Variants in RFWD3 observed in about 807,000 individuals in gnomAD.
RFWD3 encodes the protein E3 ubiquitin-protein ligase RFWD3.
A neutral mutation model predicts 87.7 loss-of-function variants in RFWD3; 65 were observed. The observed-to-expected ratio is 0.74, with a 90% confidence interval of 0.61 to 0.91. The LOEUF is 0.91. Among genes scored for constraint, RFWD3 ranks in the 40% least tolerant of loss-of-function variants. RFWD3 has a pLI of 0.00. For synonymous variants in RFWD3, 433 were observed against 352.8 expected, an observed-to-expected ratio of 1.23 and a Z score of -2.55; for missense variants, 1,078 against 938.5, an observed-to-expected ratio of 1.15 and a Z score of -1.94.
At chr16:74,639,455 C>A (rs777160067) in intron 6 of RFWD3, among the ~76,000 whole-genome samples, 22 of 152,184 alleles carry the variant, frequency 1.4e-4, no homozygotes, top group Non-Finnish European at 2.5e-4. Context: ...GGTCATTATG[C>A]AGCACGTGAC....
rs751506927 is a variant in RFWD3, at chr16:74,636,434, C to A, written c.1338G>T (p.Gln446His). 1 of 1,614,044 alleles carries A rather than the reference C, an allele frequency of 6.2e-7. No homozygotes were observed. Among genetic ancestry groups the A allele is most frequent in the African/African-American group, 1.3e-5 (1 of 74,922 alleles). The change falls in exon 8 of 13, where the codon CAG becomes CAT. Residue 446 changes from glutamine to histidine, a missense_variant. Gln to His is a conservative substitution (Grantham distance 24). Transcript: ENST00000361070. ...ATGCCATGATCCGGCAGTTTCCTGC[C>A]TGAGATACTGTGAAGGTCTTTTGGA... ...YHFQKTFTVS[Q>H]AGNCRIMAYC...
chr16:74,660,746 G>C, intron 2 of RFWD3, 186 bp downstream of exon 2: 1 of 621,056 alleles, frequency 1.6e-6, no homozygotes, highest in East Asian at 2.8e-5. Flanking sequence ...AGGCACAACA[G>C]TTTAACTTAT....
intron 10 of RFWD3, among the ~76,000 whole-genome samples, chr16:74,630,237 A>G (rs141980359): frequency 7.2e-4 from 110 of 152,330 alleles, no homozygotes; most frequent in African/African-American, 2.3e-3. Context: ...CTGGGATTAC[A>G]GGCGTGTGCC....
chr16:74,663,411 T>C, intron 1 of RFWD3, among the ~76,000 whole-genome samples: 1 of 152,096 alleles, frequency 6.6e-6, no homozygotes, highest in East Asian at 1.9e-4. Flanking sequence ...AACAATTGAG[T>C]GTCAAGTGCT....
At chr16:74,634,031 G>A (rs1335060739) in intron 8 of RFWD3, among the ~76,000 whole-genome samples, 4 of 151,818 alleles carry the variant, frequency 2.6e-5, no homozygotes, top group African/African-American at 9.7e-5. Context: ...CATGGTTTCA[G>A]GGGTGTATTA....
intron 2 of RFWD3, among the ~76,000 whole-genome samples, chr16:74,655,024 T>C (rs1960852195): frequency 6.6e-6 from 1 of 152,206 alleles, no homozygotes; most frequent in South Asian, 2.1e-4. Flanking sequence ...AGCGCTGACA[T>C]TGAAACTGTA....
At chr16:74,650,409 C>T (rs1333792731) in intron 3 of RFWD3, among the ~76,000 whole-genome samples, 1 of 148,784 alleles carries the variant, frequency 6.7e-6, no homozygotes, top group Non-Finnish European at 1.5e-5. Context: ...GTATACAGTA[C>T]TTCCTAAGTG....
At chr16:74,638,756 CACA>C (rs2144138748) in intron 6 of RFWD3, among the ~76,000 whole-genome samples, 1 of 152,266 alleles carries the variant, frequency 6.6e-6, no homozygotes, top group Non-Finnish European at 1.5e-5. Context: ...AAAATTCATT[CACA>C]ACAATTTTAA....
chr16:74,641,165 T>C (rs1181673151), intron 6 of RFWD3, among the ~76,000 whole-genome samples: 1 of 143,822 alleles, frequency 7.0e-6, no homozygotes, highest in Admixed American at 7.0e-5. Flanking sequence ...AAACAGATAA[T>C]TTTTTTTTTT....
At position 74,661,469 on chromosome 16, in the gene RFWD3, G is replaced by T. The variant is rs1335127337; in HGVS notation, c.-2-18C>A. 3 of 1,565,946 alleles carry T rather than the reference G, an allele frequency of 1.9e-6. No individual in the cohort carries two copies. In the South Asian group the frequency reaches 3.6e-5, roughly 19 times the overall value. On this transcript the variant is annotated intron_variant, in intron 1 of 12. Coordinates refer to ENST00000361070, the MANE Select transcript of RFWD3 (RefSeq NM_018124.4). ...AGCCATCACTAGAGAAACAGTATTT[G>T]TAAAAAGTATTAATAAAATAGATAA...
intron 2 of RFWD3, among the ~76,000 whole-genome samples, chr16:74,654,588 G>A (rs143641416): frequency 1.4e-4 from 21 of 152,198 alleles, no homozygotes; most frequent in African/African-American, 4.8e-4. Context: ...GCCTCTAAGT[G>A]TTCAAATTAA....
intron 12 of RFWD3, 135 bp downstream of exon 12, chr16:74,626,208 G>A (rs1958927377): frequency 9.5e-6 from 7 of 735,434 alleles, no homozygotes; most frequent in South Asian, 8.5e-5. Flanking sequence ...ACACATATGC[G>A]GATATGTGGG....
intron 7 of RFWD3, 84 bp from the exon 8 acceptor site, chr16:74,636,661 G>T (rs1032864186): frequency 2.9e-6 from 3 of 1,028,954 alleles, no homozygotes; most frequent in African/African-American, 3.3e-5. Context: ...TTTACAGGAA[G>T]ATTTTTTATC....
chr16:74,630,898 C>G lies in RFWD3; in HGVS notation c.1637G>C (p.Cys546Ser). Residue 546 changes from cysteine (C) to serine (S), a missense_variant, in exon 10 of 13, where the codon TGC becomes TCC. By Grantham distance (112) the Cys-to-Ser change is moderately radical. Transcript: ENST00000361070. The part of the protein sequence containing the change: ...YNAGRPVWSC[C>S]WCLDEANYIY... ...GTAGTTAGCCTCATCAAGACACCAG[C>G]AACAGCTCCAGACAGGACGTCCAGC... 1 of 1,614,064 alleles carries G rather than the reference C, an allele frequency of 6.2e-7. No homozygotes were observed. Among genetic ancestry groups the G allele is most frequent in the Non-Finnish European group, 8.5e-7 (1 of 1,179,960 alleles).
At chr16:74,631,601 C>A (rs1477334506) in intron 9 of RFWD3, among the ~76,000 whole-genome samples, 1 of 152,172 alleles carries the variant, frequency 6.6e-6, no homozygotes, top group Non-Finnish European at 1.5e-5. Flanking sequence ...ACTCACAGAG[C>A]ATGTGACAGA....
chr16:74,648,738 G>A (rs576169134), intron 4 of RFWD3, among the ~76,000 whole-genome samples: 188 of 151,496 alleles, frequency 1.2e-3, no homozygotes, highest in Non-Finnish European at 2.3e-3. Context: ...TCGCACCACC[G>A]CACTCCACCC....
chr16:74,626,197 C>T (rs537976869), intron 12 of RFWD3, 146 bp downstream of exon 12: 1 of 693,272 alleles, frequency 1.4e-6, no homozygotes, highest in Non-Finnish European at 2.5e-6. Flanking sequence ...ATCTCACATA[C>T]ACACATATGC....
chr16:74,637,146 C>CAAAAAAA (rs1959223012), intron 7 of RFWD3, among the ~76,000 whole-genome samples: 1 of 61,202 alleles, frequency 1.6e-5, no homozygotes, highest in Non-Finnish European at 3.3e-5. Context: ...AAAAAAAAAA[C>CAAAAAAA]AACTTAAAAG....
chr16:74,655,614 T>A (rs1361523505), intron 2 of RFWD3, among the ~76,000 whole-genome samples: 1 of 147,486 alleles, frequency 6.8e-6, no homozygotes, highest in African/African-American at 2.4e-5. Flanking sequence ...ATTTATTCTG[T>A]CTGTGCTCTC....
Sources: gnomAD v4.1 joint callset for allele counts (sites outside exome capture counted in the v4.1 genomes callset) on GRCh38, gnomAD v4.1.1 for gene constraint, MANE v1.5 for transcripts, NCBI Gene and HGNC (gene_info 2026-07-23, HGNC 2026-07-21) for gene names.